The following TTC7A variants were observed in gnomAD, a reference collection of about 807,000 sequenced individuals.
TTC7A encodes the protein tetratricopeptide repeat domain 7A, also known as tetratricopeptide repeat protein 7A.
A neutral mutation model predicts 103.7 loss-of-function variants in TTC7A; 110 were observed. The ratio of observed to expected loss-of-function variants is 1.06; its 90% CI spans 0.91 to 1.24. The LOEUF (loss-of-function observed/expected upper bound fraction) is 1.24, where lower values mean the gene tolerates loss of function less well. Ranked by LOEUF, TTC7A falls within the 50% of genes most tolerant of loss-of-function variation. The pLI, the probability that TTC7A is intolerant of heterozygous loss-of-function variation, is 0.00. For missense variants in TTC7A, 1,340 were observed against 1,116.3 expected, an observed-to-expected ratio of 1.20 and a Z score of -2.86; for synonymous variants, 521 against 467.9, an observed-to-expected ratio of 1.11 and a Z score of -1.47.
chr2:46,981,377 G>A (rs1456521330), intron 5 of TTC7A, among the ~76,000 whole-genome samples: 1 of 152,116 alleles, frequency 6.6e-6, no homozygotes, highest in Non-Finnish European at 1.5e-5. Context: ...GGGGGTCGAG[G>A]AGGAGGTGAG....
At chr2:46,948,491 A>C (rs1197679269) in intron 1 of TTC7A, among the ~76,000 whole-genome samples, 1 of 152,204 alleles carries the variant, frequency 6.6e-6, no homozygotes, top group African/African-American at 2.4e-5. Flanking sequence ...CATGAGGTAC[A>C]TAGCAAAGGA....
intron 2 of TTC7A, among the ~76,000 whole-genome samples, chr2:46,921,714 G>T (rs1669111937): frequency 6.6e-6 from 1 of 152,176 alleles, no homozygotes; most frequent in African/African-American, 2.4e-5. Context: ...GGAAGTGGTT[G>T]GGGGAGGGAC....
At chr2:47,027,474 G>A (rs1449011841) in intron 14 of TTC7A, among the ~76,000 whole-genome samples, 1 of 152,246 alleles carries the variant, frequency 6.6e-6, no homozygotes, top group Non-Finnish European at 1.5e-5. Flanking sequence ...GAATGGAAGG[G>A]ATAGAAGATA....
At chr2:47,053,869 C>T (rs6751426) in intron 18 of TTC7A, among the ~76,000 whole-genome samples, 33,711 of 152,118 alleles carry the variant, frequency 0.22, 3,994 homozygotes, top group African/African-American at 0.31. Flanking sequence ...CCACTGCGCC[C>T]GGCCTGATTT....
chr2:46,999,973 C>A, intron 8 of TTC7A: 1 of 916,250 alleles, frequency 1.1e-6, no homozygotes, highest in Non-Finnish European at 1.3e-6. Flanking sequence ...CTGTTTGAAT[C>A]TTGAATTTAC....
At chr2:46,981,754 C>T (rs1674488710) in intron 5 of TTC7A, among the ~76,000 whole-genome samples, 1 of 152,242 alleles carries the variant, frequency 6.6e-6, no homozygotes, top group Non-Finnish European at 1.5e-5. Context: ...CGTTCTGGCC[C>T]AGGCAGCTTT....
intron 2 of TTC7A, among the ~76,000 whole-genome samples, chr2:46,934,596 T>C (rs1669871985): frequency 6.6e-6 from 1 of 151,826 alleles, no homozygotes; most frequent in Non-Finnish European, 1.5e-5. Flanking sequence ...ATAGATAGAC[T>C]CAAACTGCTT....
At chr2:46,989,593 G>T (rs1195369135) in intron 5 of TTC7A, among the ~76,000 whole-genome samples, 2 of 151,584 alleles carry the variant, frequency 1.3e-5, no homozygotes, top group Admixed American at 1.3e-4. Flanking sequence ...TCCCTGTACA[G>T]CCCTGGCCAC....
intron 3 of TTC7A, among the ~76,000 whole-genome samples, chr2:46,971,574 G>C (rs1377772156): frequency 6.6e-6 from 1 of 150,584 alleles, no homozygotes; most frequent in African/African-American, 2.4e-5. Flanking sequence ...ATCCCCCTGG[G>C]GATTAGAGTG....
At chr2:47,025,455 C>A (rs577736696) in intron 14 of TTC7A, among the ~76,000 whole-genome samples, 1 of 152,150 alleles carries the variant, frequency 6.6e-6, no homozygotes, top group Non-Finnish European at 1.5e-5. Context: ...GTCACTTCGG[C>A]GGGCTGCATT....
chr2:47,036,126 A>G (rs1464322633), intron 15 of TTC7A, among the ~76,000 whole-genome samples: 4 of 152,232 alleles, frequency 2.6e-5, no homozygotes, highest in Non-Finnish European at 5.9e-5. Context: ...AGGTAGCTGC[A>G]GGGAGGGAAG....
In TTC7A at chr2:47,006,639, A is replaced by G. The variant is rs876657392; in HGVS notation, c.1204-2A>G. Reference sequence around the variant, plus strand: ...TAAATGCTGACTATCTCCCCTCCCCAGTGCCTGGAGCGAGCCATGAAGTTT... The same window carrying G: ...TAAATGCTGACTATCTCCCCTCCCCGGTGCCTGGAGCGAGCCATGAAGTTT... On this transcript the variant is annotated splice_acceptor_variant, in intron 9 of 19. Coordinates refer to ENST00000319190, the MANE Select transcript of TTC7A (RefSeq NM_020458.4). LOFTEE classifies it high-confidence loss of function. 3 of 1,613,840 alleles carry G rather than the reference A, an allele frequency of 1.9e-6. No individual in the cohort carries two copies. The highest frequency in any genetic ancestry group is 2.5e-6 in the Non-Finnish European group (3 of 1,179,720).
chr2:46,924,107 G>A (rs968990368), intron 2 of TTC7A, among the ~76,000 whole-genome samples: 2 of 151,928 alleles, frequency 1.3e-5, no homozygotes, highest in African/African-American at 2.4e-5. Context: ...AGGAGGCAGA[G>A]GTGAGAGGAT....
chr2:47,017,470 A>G (rs576852544), intron 11 of TTC7A, among the ~76,000 whole-genome samples: 6 of 146,104 alleles, frequency 4.1e-5, no homozygotes, highest in African/African-American at 1.5e-4. Context: ...CCAGGAGGTC[A>G]AGGCTGCAGT....
chr2:46,952,589 G>C (rs2103983122), intron 2 of TTC7A, among the ~76,000 whole-genome samples: 1 of 152,244 alleles, frequency 6.6e-6, no homozygotes, highest in East Asian at 1.9e-4. Context: ...CATCTCTACA[G>C]AAAATTTTTT....
chr2:46,990,748 G>C (rs547877942), intron 5 of TTC7A, among the ~76,000 whole-genome samples: 2 of 152,258 alleles, frequency 1.3e-5, no homozygotes, highest in African/African-American at 4.8e-5. Flanking sequence ...TGCAAAGCTG[G>C]GGTTACTGTG....
intron 11 of TTC7A, among the ~76,000 whole-genome samples, chr2:47,016,043 C>T (rs1382917668): frequency 1.3e-5 from 2 of 152,128 alleles, no homozygotes; most frequent in Non-Finnish European, 2.9e-5. Context: ...GTGAAGATTC[C>T]GAGGGCAAAC....
intron 15 of TTC7A, among the ~76,000 whole-genome samples, chr2:47,045,170 C>T (rs973334137): frequency 3.9e-5 from 6 of 152,328 alleles, no homozygotes; most frequent in East Asian, 1.9e-4. Flanking sequence ...GTCTGGCCCT[C>T]GGTGGTTCAA....
intron 8 of TTC7A, among the ~76,000 whole-genome samples, chr2:47,003,981 C>T (rs1002103612): frequency 2.6e-5 from 4 of 152,250 alleles, no homozygotes; most frequent in African/African-American, 9.6e-5. Flanking sequence ...AATTTCTTCT[C>T]TCTTCCTGTT....
Sources: allele counts gnomAD v4.1 joint callset (sites outside exome capture counted in the v4.1 genomes callset), GRCh38; gene constraint gnomAD v4.1.1; transcripts MANE v1.5; gene names NCBI Gene and HGNC (gene_info 2026-07-23, HGNC 2026-07-21).